COA1: variants seen among roughly 807,000 people sequenced by gnomAD.
The protein encoded by COA1 is cytochrome c oxidase assembly factor 1 homolog.
In COA1, 13 loss-of-function variants were observed where a neutral mutation model predicts 16.0. The observed-to-expected ratio is 0.81, with a 90% confidence interval of 0.53 to 1.29. The LOEUF (loss-of-function observed/expected upper bound fraction) is 1.29. Ranked by LOEUF, COA1 falls within the 50% of genes most tolerant of loss-of-function variation. The probability of loss-of-function intolerance (pLI) is 0.00; values close to 1 mark genes in which losing one functional copy is unlikely to be tolerated. For missense variants in COA1, 179 were observed against 177.0 expected, an observed-to-expected ratio of 1.01 and a Z score of -0.06; for synonymous variants, 65 against 65.7, an observed-to-expected ratio of 0.99 and a Z score of 0.05.
chr7:43,632,828 T>A (rs2085312093), intron 6 of COA1: 2 of 152,214 alleles, frequency 1.3e-5, no homozygotes, highest in Non-Finnish European at 2.9e-5. Flanking sequence ...GGATTACCGG[T>A]GTGAGCCACT....
intron 1 of COA1, among the ~76,000 whole-genome samples, chr7:43,717,317 C>A (rs10480185): frequency 0.15 from 22,205 of 152,132 alleles, 2,193 homozygotes; most frequent in Non-Finnish European, 0.21. Flanking sequence ...GTGGAGCTAC[C>A]CAAGACCATA....
At chr7:43,703,555 G>A (rs776643764) in intron 1 of COA1, among the ~76,000 whole-genome samples, 105 of 152,250 alleles carry the variant, frequency 6.9e-4, no homozygotes, top group Non-Finnish European at 1.3e-3. Context: ...AAATCTTCTA[G>A]TTGAATTGAA....
intron 1 of COA1, among the ~76,000 whole-genome samples, chr7:43,651,363 A>G (rs1412043830): frequency 6.6e-6 from 1 of 152,230 alleles, no homozygotes; most frequent in Non-Finnish European, 1.5e-5. Context: ...CTCTGAGGAA[A>G]GCAGTCTTAA....
At chr7:43,647,917 C>T (rs2089870050) in intron 2 of COA1, 5 of 403,736 alleles carry the variant, frequency 1.2e-5, no homozygotes, top group Non-Finnish European at 1.8e-5. Flanking sequence ...TTCAGCCCAC[C>T]ATCCTGACAG....
At chr7:43,621,053 A>T (rs886274850) in intron 6 of COA1, among the ~76,000 whole-genome samples, 1 of 152,252 alleles carries the variant, frequency 6.6e-6, no homozygotes, top group African/African-American at 2.4e-5. Context: ...GGATGTTACA[A>T]GAAAAGAGCT....
intron 1 of COA1, among the ~76,000 whole-genome samples, chr7:43,728,199 C>A (rs1248364173): frequency 6.6e-6 from 1 of 152,164 alleles, no homozygotes. Flanking sequence ...CGGTCTTGAT[C>A]TCCTGACCTC....
rs187366982 is a variant in COA1 at position 43,617,204 on chromosome 7, A to G, written c.*134-7709T>C. Among the ~76,000 whole-genome samples the G allele has an allele frequency of 1.7e-3, 255 of 152,274 alleles. No homozygotes were observed. In the Middle Eastern group the frequency reaches 0.017, roughly 10 times the overall value. On this transcript the variant is annotated intron_variant and NMD_transcript_variant, in intron 6 of 6. Coordinates refer to the COA1 transcript ENST00000415076. ...TTAGGCAGAAGCTGGACCTCAGGAC[A>G]TGCACACCATGCGAAGGAGTTTGGA...
intron 1 of COA1, among the ~76,000 whole-genome samples, chr7:43,659,896 TTAATA>T (rs1407008857): frequency 1.3e-5 from 2 of 152,126 alleles, no homozygotes; most frequent in Admixed American, 6.5e-5. Context: ...GGTAATTAAA[TTAATA>T]TGAGATTTTC....
intron 1 of COA1, among the ~76,000 whole-genome samples, chr7:43,710,420 GATTT>G (rs1182326111): frequency 7.8e-6 from 1 of 129,004 alleles, no homozygotes; most frequent in Admixed American, 8.3e-5. Context: ...CTAAACAGTT[GATTT>G]ATTAATAGTT....
chr7:43,679,033 C>T (rs2093650990), intron 1 of COA1, among the ~76,000 whole-genome samples: 1 of 152,188 alleles, frequency 6.6e-6, no homozygotes, highest in South Asian at 2.1e-4. Context: ...AATCCCAACA[C>T]TTCTGAAGGC....
chr7:43,629,784 C>T (rs183045452), intron 6 of COA1, among the ~76,000 whole-genome samples: 37 of 152,302 alleles, frequency 2.4e-4, no homozygotes, highest in African/African-American at 8.4e-4. Context: ...TGCCCAAGAG[C>T]TCACAGCTGG....
rs73106772 is a variant in COA1, at chr7:43,628,384, T to A, written c.*133+11065A>T. ...TGTTCATGGACCCCTGAGCTGTTTC[T>A]GTGGGGCTATTATAAATGTGCTATA... On this transcript the variant is annotated intron_variant and NMD_transcript_variant, in intron 6 of 6. Transcript: ENST00000415076. 6.4e-3 allele frequency among the ~76,000 whole-genome samples: 977 copies of A among 152,350 alleles called. 8 individuals are homozygous for A. The highest frequency in any genetic ancestry group is 0.051 in the Middle Eastern group (15 of 294).
At chr7:43,709,109 C>T (rs1392078875) in intron 1 of COA1, among the ~76,000 whole-genome samples, 1 of 151,544 alleles carries the variant, frequency 6.6e-6, no homozygotes. Flanking sequence ...GTGCAAGCTC[C>T]GCCTCCCAGG....
chr7:43,640,406 C>G (rs909377532), intron 5 of COA1, among the ~76,000 whole-genome samples, 167 bp downstream of exon 5: 1 of 152,226 alleles, frequency 6.6e-6, no homozygotes, highest in Non-Finnish European at 1.5e-5. Context: ...AGCTAAGAGC[C>G]GCAGTACTGG....
chr7:43,651,214 G>A (rs2090708391), intron 1 of COA1, among the ~76,000 whole-genome samples: 1 of 152,206 alleles, frequency 6.6e-6, no homozygotes, highest in Non-Finnish European at 1.5e-5. Flanking sequence ...ATAAACTCAA[G>A]TTCAATCAGT....
At chr7:43,656,341 T>C (rs560337560) in intron 1 of COA1, among the ~76,000 whole-genome samples, 22 of 152,286 alleles carry the variant, frequency 1.4e-4, no homozygotes, top group African/African-American at 2.9e-4. Context: ...GACTTAAAAA[T>C]AGAAGACTTG....
At chr7:43,713,890 T>C (rs1262497090) in intron 1 of COA1, among the ~76,000 whole-genome samples, 1 of 152,034 alleles carries the variant, frequency 6.6e-6, no homozygotes, top group African/African-American at 2.4e-5. Flanking sequence ...AATACAAAAA[T>C]TAGCCAGGCA....
Position 43,717,441 on chromosome 7 carries a change from C to T in COA1, c.-39+11988G>A, listed in dbSNP as rs186145948. 3.9e-5 allele frequency among the ~76,000 whole-genome samples: 6 copies of T among 152,270 alleles called. No individual in the cohort carries two copies. The East Asian group carries it at 1.2e-3, about 29-fold the overall frequency. On this transcript the variant is annotated intron_variant, in intron 1 of 5. Coordinates refer to ENST00000223336, the MANE Select transcript of COA1 (RefSeq NM_018224.4). ...TCAGACTTGCATGGGCCCTGAAACCCCTTTGTTTTGGCCAATTTCTCCTAT... is the reference window on the plus strand; with the variant it reads ...TCAGACTTGCATGGGCCCTGAAACCTCTTTGTTTTGGCCAATTTCTCCTAT...
intron 1 of COA1, among the ~76,000 whole-genome samples, chr7:43,682,593 T>C (rs1001451178): frequency 2.6e-5 from 4 of 152,212 alleles, no homozygotes; most frequent in African/African-American, 9.6e-5. Flanking sequence ...ATAATGATTT[T>C]ATACATAATG....
Sources: allele counts gnomAD v4.1 joint callset (sites outside exome capture counted in the v4.1 genomes callset), GRCh38; gene constraint gnomAD v4.1.1; transcripts MANE v1.5; gene names NCBI Gene and HGNC (gene_info 2026-07-23, HGNC 2026-07-21).